Variants in ARHGAP44 observed in about 807,000 individuals in gnomAD.
ARHGAP44 encodes the protein rho GTPase-activating protein 44.
In ARHGAP44, 43 loss-of-function variants were observed where a neutral mutation model predicts 106.8. That is an observed-to-expected ratio of 0.40 (90% CI 0.32 to 0.52). ARHGAP44 has a LOEUF of 0.52. Ranked by LOEUF, ARHGAP44 falls within the 20% of genes least tolerant of loss-of-function variation. The pLI is 0.48. For synonymous variants in ARHGAP44, 439 were observed against 410.3 expected (o/e 1.07, Z -0.85); for missense variants, 866 against 1,050.5 (o/e 0.82, Z 2.43).
chr17:12,821,839 A>G (rs1259705471), intron 1 of ARHGAP44, among the ~76,000 whole-genome samples: 6 of 152,350 alleles, frequency 3.9e-5, no homozygotes, highest in African/African-American at 1.2e-4. Flanking sequence ...ATTATAGATC[A>G]ACCGACTTCC....
intron 1 of ARHGAP44, among the ~76,000 whole-genome samples, chr17:12,819,905 T>A (rs2034714921): frequency 6.6e-6 from 1 of 152,122 alleles, no homozygotes; most frequent in Admixed American, 6.5e-5. Context: ...ACAGAGTTTT[T>A]AATTTTGACC....
intron 18 of ARHGAP44, among the ~76,000 whole-genome samples, chr17:12,977,440 C>A (rs1292443096): frequency 2.6e-5 from 4 of 152,072 alleles, no homozygotes. Context: ...CACTCCCTAC[C>A]CCAGGCCCCA....
At chr17:12,878,903 AT>A (rs2036635114) in intron 1 of ARHGAP44, among the ~76,000 whole-genome samples, 1 of 152,210 alleles carries the variant, frequency 6.6e-6, no homozygotes, top group African/African-American at 2.4e-5. Flanking sequence ...TCTAGCATAA[AT>A]CTTTTTCCTT....
chr17:12,926,466 AAT>A (rs946021382), intron 6 of ARHGAP44, among the ~76,000 whole-genome samples: 25 of 108,290 alleles, frequency 2.3e-4, no homozygotes, highest in African/African-American at 8.2e-4. Context: ...ATACATATAT[AAT>A]ATATATAATA....
intron 1 of ARHGAP44, among the ~76,000 whole-genome samples, chr17:12,801,893 GAGA>G (rs948874888): frequency 6.6e-6 from 1 of 151,038 alleles, no homozygotes; most frequent in African/African-American, 2.4e-5. Flanking sequence ...TGAAGAGAGA[GAGA>G]AAAAAAAAGC....
intron 3 of ARHGAP44, among the ~76,000 whole-genome samples, chr17:12,903,125 A>AGG (rs370581318): frequency 3.2e-4 from 23 of 72,698 alleles, no homozygotes; most frequent in Admixed American, 6.8e-4. Flanking sequence ...AGAGAGAGAG[A>AGG]GGAGAGAGAG....
At chr17:12,925,750 C>T (rs1271630954) in intron 6 of ARHGAP44, among the ~76,000 whole-genome samples, 1 of 152,232 alleles carries the variant, frequency 6.6e-6, no homozygotes, top group Non-Finnish European at 1.5e-5. Context: ...ACTTTCAAAG[C>T]TCAAAGTTTC....
intron 20 of ARHGAP44, chr17:12,987,195 C>T: frequency 6.7e-7 from 1 of 1,503,158 alleles, no homozygotes; most frequent in Non-Finnish European, 8.9e-7. Context: ...GCTAGCTAGC[C>T]AGGCCAGCTG....
At chr17:12,835,940 C>T (rs920067072) in intron 1 of ARHGAP44, among the ~76,000 whole-genome samples, 2 of 152,138 alleles carry the variant, frequency 1.3e-5, no homozygotes, top group African/African-American at 4.8e-5. Context: ...AGCATAATAT[C>T]CTCAAGTTTT....
intron 10 of ARHGAP44, among the ~76,000 whole-genome samples, chr17:12,946,859 T>C (rs1363308156): frequency 1.3e-5 from 2 of 151,780 alleles, no homozygotes; most frequent in Admixed American, 6.6e-5. Flanking sequence ...AATCATCAAA[T>C]ATCTAATCAA....
intron 16 of ARHGAP44, among the ~76,000 whole-genome samples, chr17:12,963,984 C>G (rs2039330193): frequency 6.6e-6 from 1 of 152,114 alleles, no homozygotes; most frequent in Admixed American, 6.5e-5. Flanking sequence ...TTTAATTTAT[C>G]AAAACTTTCC....
At chr17:12,967,249 CTTT>C (rs57651305) in intron 16 of ARHGAP44, among the ~76,000 whole-genome samples, 5,904 of 92,428 alleles carry the variant, frequency 0.064, 187 homozygotes, top group African/African-American at 0.1. Context: ...ACTCTTTTTG[CTTT>C]TTTTTTTTTT....
intron 3 of ARHGAP44, among the ~76,000 whole-genome samples, chr17:12,905,504 C>A (rs2037520689): frequency 6.6e-6 from 1 of 152,186 alleles, no homozygotes; most frequent in Non-Finnish European, 1.5e-5. Flanking sequence ...AAAGTCCGAT[C>A]AACCTCATGT....
Position 12,955,287 on chromosome 17 carries a change from C to T in ARHGAP44, c.1137-580C>T, listed in dbSNP as rs929577660. 1.7e-4 allele frequency among the ~76,000 whole-genome samples: 26 copies of T among 152,118 alleles called. 1 individual carries two copies. The highest frequency in any genetic ancestry group is 2.0e-4 in the Admixed American group (3 of 15,270). ...TATGGACATTTGGGTCATTTCCACCCTTCGGCTATTATTAATAATTATGAT... is the reference window on the plus strand; with the variant it reads ...TATGGACATTTGGGTCATTTCCACCTTTCGGCTATTATTAATAATTATGAT... On this transcript the variant is annotated intron_variant, in intron 13 of 20. Transcript: ENST00000379672.
At position 12,961,222 on chromosome 17, in the gene ARHGAP44, C is replaced by T. The variant is rs139748463; in HGVS notation, c.1523+2325C>T. ...TTGGAGTACTCAGAGTTCACTGGCC[C>T]ACTATCTGCAGGCAGATGCAGAAGC... On this transcript the variant is annotated intron_variant, in intron 16 of 20. Coordinates refer to ENST00000379672, the MANE Select transcript of ARHGAP44 (RefSeq NM_014859.6). 5.3e-4 allele frequency among the ~76,000 whole-genome samples: 81 copies of T among 152,270 alleles called. 2 individuals carry two copies. In the East Asian group the frequency reaches 0.015, roughly 28 times the overall value.
chr17:12,863,174 A>AT (rs902443896), intron 1 of ARHGAP44, among the ~76,000 whole-genome samples: 3 of 151,918 alleles, frequency 2.0e-5, no homozygotes, highest in Non-Finnish European at 4.4e-5. Flanking sequence ...AATTAAAAAA[A>AT]TTTTTTTAAA....
intron 1 of ARHGAP44, among the ~76,000 whole-genome samples, chr17:12,835,524 A>T (rs2035212419): frequency 6.6e-6 from 1 of 152,158 alleles, no homozygotes; most frequent in South Asian, 2.1e-4. Context: ...AAAAGATAAA[A>T]TGAGTATTTG....
intron 1 of ARHGAP44, among the ~76,000 whole-genome samples, chr17:12,828,765 C>T (rs2035001626): frequency 1.3e-5 from 2 of 151,098 alleles, no homozygotes; most frequent in Non-Finnish European, 2.9e-5. Flanking sequence ...CCTCAGCCTG[C>T]TGAGTAGCTG....
At chr17:12,889,696 C>T (rs909506637) in intron 1 of ARHGAP44, among the ~76,000 whole-genome samples, 1 of 152,150 alleles carries the variant, frequency 6.6e-6, no homozygotes, top group African/African-American at 2.4e-5. Flanking sequence ...CCAATACCAC[C>T]TCAAAAGTCC....
Sources: gnomAD v4.1 joint callset for allele counts (sites outside exome capture counted in the v4.1 genomes callset) on GRCh38, gnomAD v4.1.1 for gene constraint, MANE v1.5 for transcripts, NCBI Gene and HGNC (gene_info 2026-07-23, HGNC 2026-07-21) for gene names.